ADARB2: variants seen among roughly 807,000 people sequenced by gnomAD.
The protein encoded by ADARB2 is adenosine deaminase RNA specific B2 (inactive), also known as inactive double-stranded RNA-specific editase B2.
Under a neutral mutation model 62.2 loss-of-function variants are expected in ADARB2, and 25 were observed. The observed-to-expected ratio is 0.40, with a 90% confidence interval of 0.29 to 0.56. The LOEUF (loss-of-function observed/expected upper bound fraction) is 0.56. Among genes scored for constraint, ADARB2 ranks in the 20% least tolerant of loss-of-function variants. The pLI, the probability that ADARB2 is intolerant of heterozygous loss-of-function variation, is 0.43. For missense variants in ADARB2, 1,071 were observed against 1,077.4 expected, an observed-to-expected ratio of 0.99 and a Z score of 0.08; for synonymous variants, 572 against 500.8, an observed-to-expected ratio of 1.14 and a Z score of -1.90.
intron 3 of ADARB2, among the ~76,000 whole-genome samples, chr10:1,308,268 C>A (rs892366501): frequency 1.6e-4 from 24 of 152,068 alleles, no homozygotes; most frequent in Non-Finnish European, 3.2e-4. Context: ...AATCATACAA[C>A]ATGTATGCTT....
At chr10:1,599,453 C>A (rs1390195174) in intron 1 of ADARB2, among the ~76,000 whole-genome samples, 5 of 152,214 alleles carry the variant, frequency 3.3e-5, no homozygotes, top group Non-Finnish European at 5.9e-5. Context: ...TCACTATCAT[C>A]ATTTCCACGA....
intron 3 of ADARB2, among the ~76,000 whole-genome samples, chr10:1,309,380 A>G (rs185641284): frequency 6.6e-6 from 1 of 152,278 alleles, no homozygotes; most frequent in Non-Finnish European, 1.5e-5. Flanking sequence ...CATTGTGGAA[A>G]GTGCCTTTTC....
intron 1 of ADARB2, among the ~76,000 whole-genome samples, chr10:1,537,992 G>T (rs12244289): frequency 1.5e-4 from 23 of 152,036 alleles, no homozygotes; most frequent in African/African-American, 5.6e-4. Context: ...AAAAAGAATT[G>T]CTTTTTTTAA....
At chr10:1,621,881 T>C (rs1317952208) in intron 1 of ADARB2, among the ~76,000 whole-genome samples, 1 of 151,080 alleles carries the variant, frequency 6.6e-6, no homozygotes, top group Non-Finnish European at 1.5e-5. Context: ...TCTTAAAATA[T>C]GTATGAAAAT....
In ADARB2 at chr10:1,662,972, G is replaced by A. The variant is rs557660218; in HGVS notation, c.100+74079C>T. ...GACCCAGAGAACTGCCAATCAACCA[G>A]ACGCGGAACACGACATCACCAGGCA... On this transcript the variant is annotated intron_variant, in intron 1 of 9. Transcript: ENST00000381312. 1.6e-3 allele frequency among the ~76,000 whole-genome samples: 246 copies of A among 152,326 alleles called. 1 individual carries two copies. The highest frequency in any genetic ancestry group is 5.5e-3 in the African/African-American group (227 of 41,572).
Position 1,388,849 on chromosome 10 carries a change from A to G in ADARB2, c.101-9689T>C, listed in dbSNP as rs187420199. ...AATCAGTACTCTTGTTGAAATTGAAAGATAATTTTGAAGTTTATATGGAAA... is the reference window on the plus strand; with the variant it reads ...AATCAGTACTCTTGTTGAAATTGAAGGATAATTTTGAAGTTTATATGGAAA... On this transcript the variant is annotated intron_variant, in intron 1 of 9. Transcript: ENST00000381312. 8.5e-5 allele frequency among the ~76,000 whole-genome samples: 13 copies of G among 152,318 alleles called. No homozygotes were observed. In the East Asian group the frequency reaches 2.5e-3, roughly 29 times the overall value.
chr10:1,331,547 A>G (rs12265210), intron 3 of ADARB2, among the ~76,000 whole-genome samples: 4 of 152,212 alleles, frequency 2.6e-5, no homozygotes, highest in Admixed American at 2.6e-4. Flanking sequence ...TAGGCAAATC[A>G]TAGAGACAGA....
intron 1 of ADARB2, among the ~76,000 whole-genome samples, chr10:1,504,357 C>G (rs1341335149): frequency 6.6e-6 from 1 of 152,258 alleles, no homozygotes; most frequent in Non-Finnish European, 1.5e-5. Context: ...TTTTCCAACA[C>G]TCAGCCCACC....
chr10:1,725,836 G>A lies in ADARB2; in HGVS notation c.100+11215C>T, dbSNP rs367594750. 6.6e-5 allele frequency among the ~76,000 whole-genome samples: 10 copies of A among 152,336 alleles called. No individual in the cohort carries two copies. In the East Asian group the frequency reaches 1.3e-3, roughly 21 times the overall value. ...CTAAGGAATCAGCTCATCCCGAACC[G>A]AAGGAAGGTGAGAAGTCCCAGGGAG... On this transcript the variant is annotated intron_variant, in intron 1 of 9. Coordinates refer to ENST00000381312, the MANE Select transcript of ADARB2 (RefSeq NM_018702.4).
At chr10:1,613,214 A>G (rs1008682278) in intron 1 of ADARB2, among the ~76,000 whole-genome samples, 3 of 152,234 alleles carry the variant, frequency 2.0e-5, no homozygotes, top group African/African-American at 4.8e-5. Flanking sequence ...AGGAAGCAAC[A>G]TGGTTCTCAG....
At chr10:1,585,810 A>G (rs1024065006) in intron 1 of ADARB2, among the ~76,000 whole-genome samples, 47 of 152,300 alleles carry the variant, frequency 3.1e-4, no homozygotes, top group Non-Finnish European at 4.6e-4. Context: ...CAAGGTGGGC[A>G]GATCACGAGG....
chr10:1,639,900 A>G (rs1343201842), intron 1 of ADARB2, among the ~76,000 whole-genome samples: 2 of 152,036 alleles, frequency 1.3e-5, no homozygotes, highest in Admixed American at 1.3e-4. Flanking sequence ...AAACAAAAAC[A>G]TGAAGAGGGC....
chr10:1,465,527 A>G (rs1169380413), intron 1 of ADARB2, among the ~76,000 whole-genome samples: 1 of 152,210 alleles, frequency 6.6e-6, no homozygotes, highest in Non-Finnish European at 1.5e-5. Flanking sequence ...GTGCCGACAC[A>G]GTGAGCCCCA....
intron 1 of ADARB2, among the ~76,000 whole-genome samples, chr10:1,612,618 A>T (rs529133578): frequency 6.6e-5 from 10 of 152,242 alleles, no homozygotes; most frequent in Non-Finnish European, 1.5e-4. Flanking sequence ...ATCACCTGCC[A>T]GTGATAGAGC....
chr10:1,377,925 C>A (rs1832448790), intron 2 of ADARB2, among the ~76,000 whole-genome samples: 1 of 152,130 alleles, frequency 6.6e-6, no homozygotes, highest in South Asian at 2.1e-4. Flanking sequence ...ACGCTGATGG[C>A]AAAGTACACG....
intron 3 of ADARB2, among the ~76,000 whole-genome samples, chr10:1,280,725 T>C (rs1171232071): frequency 6.9e-6 from 1 of 144,760 alleles, no homozygotes; most frequent in Non-Finnish European, 1.5e-5. Flanking sequence ...AGTGATGCTC[T>C]ATGATATTCC....
At chr10:1,618,089 A>T (rs1212723996) in intron 1 of ADARB2, among the ~76,000 whole-genome samples, 2 of 152,210 alleles carry the variant, frequency 1.3e-5, no homozygotes, top group African/African-American at 2.4e-5. Context: ...TTTCTTACTT[A>T]ACCCTCTGAG....
At chr10:1,566,267 G>A (rs577801585) in intron 1 of ADARB2, among the ~76,000 whole-genome samples, 19 of 152,198 alleles carry the variant, frequency 1.2e-4, no homozygotes, top group African/African-American at 2.2e-4. Context: ...TTTTGTCCCC[G>A]TACCATGTAA....
chr10:1,639,101 A>G (rs1833948125), intron 1 of ADARB2, among the ~76,000 whole-genome samples: 1 of 152,356 alleles, frequency 6.6e-6, no homozygotes, highest in East Asian at 1.9e-4. Context: ...GCCATCTCCT[A>G]AAGCTGGAGC....
Sources: gnomAD v4.1 joint callset for allele counts (sites outside exome capture counted in the v4.1 genomes callset) on GRCh38, gnomAD v4.1.1 for gene constraint, MANE v1.5 for transcripts, NCBI Gene and HGNC (gene_info 2026-07-23, HGNC 2026-07-21) for gene names.